Variants in CSMD1 observed in about 807,000 individuals in gnomAD.
CSMD1 encodes CUB and Sushi multiple domains 1.
In CSMD1, 213 loss-of-function variants were observed where a neutral mutation model predicts 417.5. That is an observed-to-expected ratio of 0.51 (90% CI 0.46 to 0.57). The LOEUF is 0.57. CSMD1 is among the 20% of genes least tolerant of loss of function. The pLI is 0.00. For missense variants in CSMD1, 6,923 were observed against 4,529.7 expected, an observed-to-expected ratio of 1.53 and a Z score of -15.17; for synonymous variants, 2,862 against 1,736.8, an observed-to-expected ratio of 1.65 and a Z score of -16.11.
intron 18 of CSMD1, among the ~76,000 whole-genome samples, chr8:3,372,634 G>C (rs1163603214): frequency 2.6e-5 from 4 of 152,140 alleles, no homozygotes; most frequent in African/African-American, 4.8e-5. Flanking sequence ...TTCATAACCT[G>C]AGTGTGAAAT....
intron 11 of CSMD1, among the ~76,000 whole-genome samples, chr8:3,481,383 G>C (rs577516940): frequency 2.6e-5 from 4 of 152,180 alleles, no homozygotes; most frequent in Non-Finnish European, 5.9e-5. Context: ...AATTAGAACA[G>C]CGTCTGGTAC....
chr8:3,793,692 G>C (rs1047526586), intron 5 of CSMD1, among the ~76,000 whole-genome samples: 2 of 152,120 alleles, frequency 1.3e-5, no homozygotes, highest in Non-Finnish European at 2.9e-5. Context: ...TCATTATTCA[G>C]GGTAAGTTAA....
intron 5 of CSMD1, among the ~76,000 whole-genome samples, chr8:3,918,428 G>A (rs946625299): frequency 3.9e-5 from 6 of 151,916 alleles, no homozygotes; most frequent in East Asian, 1.9e-4. Context: ...TTTGATTTGC[G>A]TTTGTCTGAT....
chr8:4,567,772 C>T (rs777898306), intron 2 of CSMD1, among the ~76,000 whole-genome samples: 9 of 151,842 alleles, frequency 5.9e-5, no homozygotes, highest in African/African-American at 1.7e-4. Context: ...TATTGCTGGT[C>T]ATAAAATTAT....
At chr8:2,996,450 A>G (rs572149559) in intron 54 of CSMD1, among the ~76,000 whole-genome samples, 1 of 152,340 alleles carries the variant, frequency 6.6e-6, no homozygotes, top group Non-Finnish European at 1.5e-5. Context: ...CATATTGCTA[A>G]TGCACGCACA....
At chr8:3,802,991 A>G (rs542421376) in intron 5 of CSMD1, among the ~76,000 whole-genome samples, 18 of 152,320 alleles carry the variant, frequency 1.2e-4, no homozygotes, top group South Asian at 8.3e-4. Flanking sequence ...AGGGTGAAAT[A>G]TTTATTATTT....
chr8:4,246,321 C>T (rs149769269), intron 3 of CSMD1, among the ~76,000 whole-genome samples: 54 of 152,196 alleles, frequency 3.5e-4, no homozygotes, highest in African/African-American at 1.3e-3. Flanking sequence ...TTGGCCTCCA[C>T]CTCCATCCAC....
intron 5 of CSMD1, among the ~76,000 whole-genome samples, chr8:3,954,762 A>C (rs1321308145): frequency 6.6e-6 from 1 of 151,722 alleles, no homozygotes; most frequent in Non-Finnish European, 1.5e-5. Context: ...AGAACTGAGC[A>C]TGCGTAATGT....
At chr8:4,830,904 T>C (rs758393855) in intron 1 of CSMD1, among the ~76,000 whole-genome samples, 1 of 152,190 alleles carries the variant, frequency 6.6e-6, no homozygotes, top group African/African-American at 2.4e-5. Flanking sequence ...TAGAGTCTAA[T>C]GAACTTTCAG....
rs970026992 is a variant in CSMD1, at chr8:3,536,719, G to A, written c.1344+38226C>T. Among the ~76,000 whole-genome samples the A allele has an allele frequency of 7.2e-5, 11 of 152,232 alleles. 1 individual carries two copies. The highest frequency in any genetic ancestry group is 2.1e-4 in the South Asian group (1 of 4,826). ...GCCCTCAGAGCAGCCTCCCTCCTCC[G>A]GTCTTGCAGGTGGCAGGAGCCCCAA... On this transcript the variant is annotated intron_variant, in intron 10 of 69. Coordinates refer to ENST00000635120, the MANE Select transcript of CSMD1 (RefSeq NM_033225.6).
At chr8:4,819,586 G>A (rs971125169) in intron 1 of CSMD1, among the ~76,000 whole-genome samples, 28 of 152,128 alleles carry the variant, frequency 1.8e-4, no homozygotes, top group African/African-American at 6.8e-4. Flanking sequence ...TGTGTATCTT[G>A]TTAAGCATTT....
At chr8:4,339,797 G>C (rs78881317) in intron 3 of CSMD1, among the ~76,000 whole-genome samples, 2,480 of 152,176 alleles carry the variant, frequency 0.016, 66 homozygotes, top group African/African-American at 0.056. Context: ...AATGAGGTGG[G>C]AGAACCACTT....
chr8:3,780,150 C>T (rs1158973598), intron 5 of CSMD1, among the ~76,000 whole-genome samples: 1 of 152,154 alleles, frequency 6.6e-6, no homozygotes, highest in African/African-American at 2.4e-5. Flanking sequence ...CGGGGTGAAA[C>T]ATAGTATGCA....
At chr8:4,083,415 G>A (rs543319844) in intron 3 of CSMD1, among the ~76,000 whole-genome samples, 28 of 152,098 alleles carry the variant, frequency 1.8e-4, no homozygotes, top group Admixed American at 4.6e-4. Context: ...AATGTCTTCC[G>A]CATCACGCCA....
At chr8:3,202,380 A>C (rs1797035335) in intron 31 of CSMD1, among the ~76,000 whole-genome samples, 1 of 152,200 alleles carries the variant, frequency 6.6e-6, no homozygotes, top group African/African-American at 2.4e-5. Flanking sequence ...CTGGCATATA[A>C]TAGGAATCCC....
intron 1 of CSMD1, among the ~76,000 whole-genome samples, chr8:4,982,031 T>C (rs56941758): frequency 0.03 from 4,505 of 152,182 alleles, 219 homozygotes; most frequent in African/African-American, 0.1. Flanking sequence ...TTCCTACAAC[T>C]GCAAGGAACT....
In CSMD1 at chr8:4,106,759, C is replaced by G. The variant is rs1284892493; in HGVS notation, c.416-74660G>C. Reference sequence around the variant, plus strand: ...AAGTTCAACAACAGACCCCGCACAGCTAGTGATCAGCGGCCACAGTGGCTG... The same window carrying G: ...AAGTTCAACAACAGACCCCGCACAGGTAGTGATCAGCGGCCACAGTGGCTG... On this transcript the variant is annotated intron_variant, in intron 3 of 69. Coordinates refer to ENST00000635120, the MANE Select transcript of CSMD1 (RefSeq NM_033225.6). 7.2e-5 allele frequency among the ~76,000 whole-genome samples: 11 copies of G among 152,132 alleles called. 1 individual carries two copies. The highest frequency in any genetic ancestry group is 8.8e-5 in the Non-Finnish European group (6 of 68,040).
chr8:4,013,669 G>T (rs1370187023), intron 4 of CSMD1, among the ~76,000 whole-genome samples: 1 of 152,312 alleles, frequency 6.6e-6, no homozygotes, highest in East Asian at 1.9e-4. Flanking sequence ...TTTCTGCAAA[G>T]ATTGGAATTC....
intron 3 of CSMD1, among the ~76,000 whole-genome samples, chr8:4,089,800 G>A (rs538625754): frequency 5.3e-5 from 8 of 152,054 alleles, no homozygotes; most frequent in Middle Eastern, 3.2e-3. Flanking sequence ...TCAGTCTACC[G>A]AGTGTGTTTG....
Sources: allele counts gnomAD v4.1 joint callset (sites outside exome capture counted in the v4.1 genomes callset), GRCh38; gene constraint gnomAD v4.1.1; transcripts MANE v1.5; gene names NCBI Gene and HGNC (gene_info 2026-07-23, HGNC 2026-07-21).